Variants in PRKN observed in about 807,000 individuals in gnomAD.
The protein encoded by PRKN is parkin RBR E3 ubiquitin protein ligase.
Under a neutral mutation model 59.5 loss-of-function variants are expected in PRKN, and 56 were observed. That is an observed-to-expected ratio of 0.94 (90% CI 0.76 to 1.18). The LOEUF (loss-of-function observed/expected upper bound fraction) is 1.18, where lower values mean the gene tolerates loss of function less well. Ranked by LOEUF, PRKN falls within the 50% of genes most tolerant of loss-of-function variation. The pLI is 0.00. For missense variants in PRKN, 657 were observed against 596.4 expected (o/e 1.10, Z -1.06); for synonymous variants, 250 against 222.1 (o/e 1.13, Z -1.12).
chr6:161,592,522 G>T lies in PRKN; in HGVS notation c.872-23106C>A, dbSNP rs569581535. On this transcript the variant is annotated intron_variant, in intron 7 of 11. Transcript: ENST00000366898. The surrounding 1 kb of genome is among the most constrained non-coding windows in gnomAD (Gnocchi z 4.8). The stretch of plus-strand genomic sequence containing the variant: ...ATATGGCACAAAATCCAAATGCCAG[G>T]AACTGGTCTAGATAAGAGGAATACA... 5.3e-5 allele frequency among the ~76,000 whole-genome samples: 8 copies of T among 152,038 alleles called. No homozygotes were observed. The highest frequency in any genetic ancestry group is 1.0e-4 in the Non-Finnish European group (7 of 68,028).
chr6:162,612,437 G>A (rs1782231013), intron 1 of PRKN, among the ~76,000 whole-genome samples: 1 of 151,556 alleles, frequency 6.6e-6, no homozygotes, highest in Non-Finnish European at 1.5e-5. Context: ...CTAGCGCAGT[G>A]GAAACCAGGG....
chr6:161,355,130 C>T lies in PRKN; in HGVS notation c.1286-4919G>A, dbSNP rs540974296. On this transcript the variant is annotated intron_variant, in intron 11 of 11. Transcript: ENST00000366898. The surrounding 1 kb of genome is among the most constrained non-coding windows in gnomAD (Gnocchi z 6.8). The stretch of plus-strand genomic sequence containing the variant: ...GCTCCTGCGTGCGGTGCCTGGAACA[C>T]GAGCAGCAGGGGCTGCCTCCGCACA... Among the ~76,000 whole-genome samples, 34 of 152,326 alleles carry T rather than the reference C, an allele frequency of 2.2e-4. No homozygotes were observed. The highest frequency in any genetic ancestry group is 7.7e-4 in the African/African-American group (32 of 41,580).
chr6:162,274,001 A>G (rs2128104134), intron 2 of PRKN, among the ~76,000 whole-genome samples: 1 of 152,256 alleles, frequency 6.6e-6, no homozygotes, highest in Non-Finnish European at 1.5e-5. Flanking sequence ...CTAGAATACC[A>G]TTAGAGGAAC....
chr6:161,620,030 C>T (rs1782838453), intron 7 of PRKN, among the ~76,000 whole-genome samples: 1 of 138,142 alleles, frequency 7.2e-6, no homozygotes, highest in Admixed American at 8.1e-5. Context: ...TGCTCTGTCT[C>T]CCAGGCTGGA....
Position 161,475,214 on chromosome 6 carries a change from T to A in PRKN, c.1083+73640A>T, listed in dbSNP as rs907778958. On this transcript the variant is annotated intron_variant, in intron 9 of 11. Coordinates refer to ENST00000366898, the MANE Select transcript of PRKN (RefSeq NM_004562.3). This position sits in a 1 kb window ranked among gnomAD's most constrained non-coding sequence, Gnocchi z 5.3. ...CACTATTACCTATACTTATAGTAGA[T>A]TGCATGTGATCGCTGCTGTCCTATC... is the stretch of plus-strand genomic sequence containing the variant. Among the ~76,000 whole-genome samples the A allele has an allele frequency of 6.6e-6, 1 of 152,180 alleles. No homozygotes were observed. The highest frequency in any genetic ancestry group is 6.5e-5 in the Admixed American group (1 of 15,290).
intron 4 of PRKN, among the ~76,000 whole-genome samples, chr6:162,089,475 A>G (rs1019038658): frequency 4.3e-4 from 65 of 152,236 alleles, no homozygotes; most frequent in African/African-American, 1.5e-3. Flanking sequence ...TGGTACAGCC[A>G]CTTTTAAAGA....
chr6:162,212,159 C>T (rs1174100641), intron 3 of PRKN, among the ~76,000 whole-genome samples: 1 of 152,036 alleles, frequency 6.6e-6, no homozygotes, highest in Non-Finnish European at 1.5e-5. Context: ...CACTCAGGGG[C>T]CGCCTCTCTC....
intron 4 of PRKN, among the ~76,000 whole-genome samples, chr6:162,081,307 T>C (rs987023262): frequency 6.6e-6 from 1 of 152,120 alleles, no homozygotes; most frequent in Non-Finnish European, 1.5e-5. Context: ...TGATCTTTAG[T>C]GATCTATGAG....
chr6:161,815,539 C>G (rs994447191), intron 6 of PRKN, among the ~76,000 whole-genome samples: 1 of 152,208 alleles, frequency 6.6e-6, no homozygotes, highest in African/African-American at 2.4e-5. Flanking sequence ...CTGAATTTAT[C>G]TCCCTCCCTG....
At chr6:162,557,413 G>A (rs549407874) in intron 1 of PRKN, among the ~76,000 whole-genome samples, 40 of 152,354 alleles carry the variant, frequency 2.6e-4, no homozygotes, top group African/African-American at 9.4e-4. Context: ...GTGTGCCCAC[G>A]TGGTCTTGCC....
chr6:162,567,925 G>A (rs1562392727), intron 1 of PRKN, among the ~76,000 whole-genome samples: 1 of 152,094 alleles, frequency 6.6e-6, no homozygotes, highest in Non-Finnish European at 1.5e-5. Context: ...GACACACAGA[G>A]CAATGAAACA....
At chr6:162,265,374 T>C (rs1780081511) in intron 2 of PRKN, among the ~76,000 whole-genome samples, 1 of 152,148 alleles carries the variant, frequency 6.6e-6, no homozygotes, top group Admixed American at 6.5e-5. Context: ...GCCTTATATT[T>C]GTCCCGCTGC....
intron 2 of PRKN, among the ~76,000 whole-genome samples, chr6:162,435,548 C>T (rs1007522924): frequency 5.9e-5 from 9 of 152,132 alleles, no homozygotes; most frequent in African/African-American, 2.4e-5. Context: ...GATGAAATAA[C>T]GGTCTTCCCA....
intron 2 of PRKN, among the ~76,000 whole-genome samples, chr6:162,337,524 A>C (rs1348898502): frequency 6.6e-6 from 1 of 152,212 alleles, no homozygotes; most frequent in Non-Finnish European, 1.5e-5. Flanking sequence ...AGACTTAATC[A>C]GTTGTAAGTA....
At chr6:162,191,508 T>C (rs1370968981) in intron 4 of PRKN, among the ~76,000 whole-genome samples, 2 of 152,210 alleles carry the variant, frequency 1.3e-5, no homozygotes, top group African/African-American at 4.8e-5. Context: ...AATAGTGCCA[T>C]CTTGGCTCAC....
intron 7 of PRKN, among the ~76,000 whole-genome samples, chr6:161,784,383 C>T (rs893783563): frequency 5.3e-5 from 8 of 152,294 alleles, no homozygotes; most frequent in African/African-American, 1.9e-4. Flanking sequence ...GAAATATGTG[C>T]ATATCCTATA....
chr6:162,696,039 C>CT, intron 1 of PRKN, among the ~76,000 whole-genome samples: 1 of 151,948 alleles, frequency 6.6e-6, no homozygotes, highest in African/African-American at 2.4e-5. Context: ...ACAGAAAGTG[C>CT]CTGGAACATG....
intron 9 of PRKN, among the ~76,000 whole-genome samples, chr6:161,441,207 G>C (rs1789202883): frequency 6.6e-6 from 1 of 152,228 alleles, no homozygotes; most frequent in African/African-American, 2.4e-5. Context: ...GAGCAGCTCA[G>C]CTCTGCGGAG....
intron 2 of PRKN, among the ~76,000 whole-genome samples, chr6:162,421,060 C>A (rs1243683811): frequency 6.6e-6 from 1 of 152,200 alleles, no homozygotes; most frequent in Non-Finnish European, 1.5e-5. Flanking sequence ...CCAGCCACAG[C>A]TCACCACCGC....
Sources: gnomAD v4.1 joint callset for allele counts (sites outside exome capture counted in the v4.1 genomes callset) on GRCh38, gnomAD v4.1.1 for gene constraint, Gnocchi (gnomAD v3.1) non-coding constraint, MANE v1.5 for transcripts, NCBI Gene and HGNC (gene_info 2026-07-23, HGNC 2026-07-21) for gene names.